NRXN3: variants seen among roughly 807,000 people sequenced by gnomAD.
The protein encoded by NRXN3 is neurexin III.
Under a neutral mutation model 137.6 loss-of-function variants are expected in NRXN3, and 32 were observed. The ratio of observed to expected loss-of-function variants is 0.23; its 90% CI spans 0.18 to 0.31. The LOEUF is 0.31. Ranked by LOEUF, NRXN3 falls within the 10% of genes least tolerant of loss-of-function variation. The pLI, the probability that NRXN3 is intolerant of heterozygous loss-of-function variation, is 1.00. For synonymous variants in NRXN3, 798 were observed against 784.5 expected, an observed-to-expected ratio of 1.02 and a Z score of -0.29; for missense variants, 1,574 against 2,062.5, an observed-to-expected ratio of 0.76 and a Z score of 4.59.
intron 16 of NRXN3, among the ~76,000 whole-genome samples, chr14:79,644,218 G>A (rs1488628499): frequency 7.4e-6 from 1 of 135,576 alleles, no homozygotes; most frequent in African/African-American, 2.5e-5. Flanking sequence ...TGGCTAATTG[G>A]CTAAATTTCT....
At chr14:79,319,026 AC>A (rs1449245584) in intron 15 of NRXN3, among the ~76,000 whole-genome samples, 1 of 152,136 alleles carries the variant, frequency 6.6e-6, no homozygotes, top group Non-Finnish European at 1.5e-5. Context: ...TCTTACAGTT[AC>A]TCAAGAATGT....
At chr14:79,374,589 C>G (rs1258791073) in intron 15 of NRXN3, among the ~76,000 whole-genome samples, 1 of 151,936 alleles carries the variant, frequency 6.6e-6, no homozygotes, top group Non-Finnish European at 1.5e-5. Flanking sequence ...TGGCAGATAG[C>G]AGACCCCTTA....
chr14:79,783,632 C>T (rs918261529), intron 19 of NRXN3, among the ~76,000 whole-genome samples: 1 of 152,270 alleles, frequency 6.6e-6, no homozygotes, highest in South Asian at 2.1e-4. Context: ...CTCACTTTAA[C>T]AAGCTTTGAG....
intron 16 of NRXN3, among the ~76,000 whole-genome samples, chr14:79,662,635 T>C (rs2098539571): frequency 6.6e-6 from 1 of 152,116 alleles, no homozygotes; most frequent in Non-Finnish European, 1.5e-5. Context: ...TTTAATTGGC[T>C]CACAGTTCTG....
chr14:79,656,692 T>G (rs1462149360), intron 16 of NRXN3, among the ~76,000 whole-genome samples: 1 of 150,942 alleles, frequency 6.6e-6, no homozygotes, highest in African/African-American at 2.4e-5. Context: ...CTCTGCGCCC[T>G]CTGTTAGCAT....
chr14:79,137,170 A>G lies in NRXN3; in HGVS notation c.3262+149029A>G, dbSNP rs181128282. ...GAGCCTTACACTGGAGTTTGCAGGCATTTGCTGCTGTCTCAATAGGTAGAT... is the reference window on the plus strand; with the variant it reads ...GAGCCTTACACTGGAGTTTGCAGGCGTTTGCTGCTGTCTCAATAGGTAGAT... On this transcript the variant is annotated intron_variant, in intron 15 of 20. Coordinates refer to ENST00000335750, the MANE Select transcript of NRXN3 (RefSeq NM_001330195.2). 3.7e-3 allele frequency among the ~76,000 whole-genome samples: 563 copies of G among 152,330 alleles called. 2 individuals are homozygous for G. The highest frequency in any genetic ancestry group is 0.013 in the African/African-American group (540 of 41,568).
At chr14:78,296,393 T>G (rs912542235) in intron 3 of NRXN3, among the ~76,000 whole-genome samples, 1 of 152,204 alleles carries the variant, frequency 6.6e-6, no homozygotes, top group African/African-American at 2.4e-5. Context: ...ACACCTGTTC[T>G]GTTCCTGTTC....
chr14:79,343,780 C>G (rs1213441711), intron 15 of NRXN3, among the ~76,000 whole-genome samples: 1 of 152,090 alleles, frequency 6.6e-6, no homozygotes, highest in Non-Finnish European at 1.5e-5. Flanking sequence ...ATATAGTTTA[C>G]CTGCACAGTC....
intron 10 of NRXN3, among the ~76,000 whole-genome samples, chr14:78,876,923 C>T (rs1351095683): frequency 2.0e-5 from 3 of 152,148 alleles, no homozygotes; most frequent in Non-Finnish European, 4.4e-5. Context: ...ACCATACTTC[C>T]ATTGCTTCTT....
chr14:78,994,093 A>G (rs2099524896), intron 15 of NRXN3, among the ~76,000 whole-genome samples: 4 of 151,886 alleles, frequency 2.6e-5, no homozygotes, highest in Middle Eastern at 3.4e-3. Flanking sequence ...TGACCTTGTG[A>G]TCCGCCTGCC....
chr14:79,523,923 A>C (rs560346433), intron 16 of NRXN3, among the ~76,000 whole-genome samples: 1 of 152,310 alleles, frequency 6.6e-6, no homozygotes, highest in East Asian at 1.9e-4. Context: ...CTCAAGTGTC[A>C]GGTTCACATC....
intron 8 of NRXN3, among the ~76,000 whole-genome samples, chr14:78,784,378 C>T (rs1338714483): frequency 1.3e-5 from 2 of 152,130 alleles, no homozygotes; most frequent in Non-Finnish European, 2.9e-5. Flanking sequence ...CTGTAATGGA[C>T]AAGGAGGCAA....
chr14:79,818,986 C>T (rs1238811713), intron 20 of NRXN3, among the ~76,000 whole-genome samples: 1 of 152,082 alleles, frequency 6.6e-6, no homozygotes, highest in Non-Finnish European at 1.5e-5. Context: ...GTTTGCATAC[C>T]CTCTGTCCTA....
intron 20 of NRXN3, among the ~76,000 whole-genome samples, chr14:79,838,524 A>T (rs568434552): frequency 1.3e-5 from 2 of 152,336 alleles, no homozygotes; most frequent in East Asian, 3.9e-4. Flanking sequence ...TAGTATATCC[A>T]TCTAAAGCAG....
intron 4 of NRXN3, among the ~76,000 whole-genome samples, chr14:78,413,796 A>T (rs896071363): frequency 1.3e-4 from 1 of 7,868 alleles, no homozygotes; most frequent in East Asian, 4.5e-3. Context: ...AACATCCACT[A>T]TAGTGTTTGA....
At chr14:79,745,714 G>C (rs554382755) in intron 19 of NRXN3, among the ~76,000 whole-genome samples, 22 of 152,186 alleles carry the variant, frequency 1.4e-4, no homozygotes, top group African/African-American at 4.8e-4. Flanking sequence ...TAGTTACAAA[G>C]TCTAGAAGTC....
intron 20 of NRXN3, among the ~76,000 whole-genome samples, chr14:79,852,973 G>GTTTTTCCCCACTCCC (rs2099395046): frequency 6.6e-6 from 1 of 151,954 alleles, no homozygotes; most frequent in Admixed American, 6.6e-5. Flanking sequence ...GTTTTCTGCA[G>GTTTTTCCCCACTCCC]TTTTTCCCCA....
At chr14:79,154,975 G>C (rs2060130680) in intron 15 of NRXN3, among the ~76,000 whole-genome samples, 1 of 151,848 alleles carries the variant, frequency 6.6e-6, no homozygotes, top group South Asian at 2.1e-4. Flanking sequence ...ATGTTCCCCT[G>C]TGGATCTCTT....
rs1454626931 is a variant in NRXN3 at position 79,863,979 on chromosome 14, A to G, written c.*2015A>G. ...GGAAAGAGGTGTTCCTCATTATCTA[A>G]TATTTCAATGTGTTAAGAGTTTAAT... is the stretch of plus-strand genomic sequence containing the variant. On this transcript the variant is annotated 3_prime_UTR_variant, in exon 21 of 21. Transcript: ENST00000335750. 1.3e-5 allele frequency: 2 copies of G among 151,350 alleles called. No individual in the cohort carries two copies. The highest frequency in any genetic ancestry group is 3.0e-5 in the Non-Finnish European group (2 of 67,688). 9.4% of individuals were successfully genotyped at this position (151,350 alleles called of 1,614,324 possible). A position where few individuals can be genotyped will look rare whatever the true frequency, so the allele number is the denominator to read the frequency against.
Sources: gnomAD v4.1 joint callset for allele counts (sites outside exome capture counted in the v4.1 genomes callset) on GRCh38, gnomAD v4.1.1 for gene constraint, MANE v1.5 for transcripts, NCBI Gene and HGNC (gene_info 2026-07-23, HGNC 2026-07-21) for gene names.